The following CCDC30 variants were observed in gnomAD, a reference collection of about 807,000 sequenced individuals.
CCDC30 encodes coiled-coil domain-containing protein 30.
A neutral mutation model predicts 100.2 loss-of-function variants in CCDC30; 70 were observed. That is an observed-to-expected ratio of 0.70 (90% CI 0.58 to 0.85). The LOEUF (loss-of-function observed/expected upper bound fraction) is 0.85, where lower values mean the gene tolerates loss of function less well. Among genes scored for constraint, CCDC30 ranks in the 40% least tolerant of loss-of-function variants. The pLI, the probability that CCDC30 is intolerant of heterozygous loss-of-function variation, is 0.00. For missense variants in CCDC30, 652 were observed against 771.2 expected, an observed-to-expected ratio of 0.85 and a Z score of 1.83; for synonymous variants, 233 against 269.5, an observed-to-expected ratio of 0.86 and a Z score of 1.33.
intron 6 of CCDC30, among the ~76,000 whole-genome samples, chr1:42,565,970 T>G (rs1299788845): frequency 6.6e-6 from 1 of 152,152 alleles, no homozygotes; most frequent in Non-Finnish European, 1.5e-5. Context: ...ATGGACTCTT[T>G]GAACTTCCCA....
intron 6 of CCDC30, among the ~76,000 whole-genome samples, chr1:42,561,371 T>C (rs1214762482): frequency 1.3e-5 from 2 of 152,194 alleles, no homozygotes; most frequent in East Asian, 1.9e-4. Flanking sequence ...GTTATCTCAA[T>C]AGATGCAGAA....
chr1:42,558,533 T>A (rs1645420354), intron 6 of CCDC30, among the ~76,000 whole-genome samples: 2 of 152,178 alleles, frequency 1.3e-5, no homozygotes, highest in South Asian at 4.1e-4. Context: ...GTAATCATTA[T>A]TATCCATATC....
chr1:42,578,493 GTA>G (rs1557869483), intron 8 of CCDC30, among the ~76,000 whole-genome samples: 1 of 151,928 alleles, frequency 6.6e-6, no homozygotes. Flanking sequence ...TTCACCATAT[GTA>G]TATATGTAGG....
intron 1 of CCDC30, chr1:42,467,728 G>C (rs756796106): frequency 6.6e-6 from 1 of 152,194 alleles, no homozygotes; most frequent in Non-Finnish European, 1.5e-5. Flanking sequence ...GGCCATATTT[G>C]TACCTCTACT....
exon 15 of CCDC30, chr1:42,646,167 G>T (rs764768163): frequency 6.2e-7 from 1 of 1,602,552 alleles, no homozygotes; most frequent in African/African-American, 1.3e-5. Context: ...CAAAATGGTG[G>T]CATAGAGGCA....
chr1:42,541,152 A>G (rs973470582), intron 6 of CCDC30, among the ~76,000 whole-genome samples: 1 of 152,274 alleles, frequency 6.6e-6, no homozygotes, highest in Non-Finnish European at 1.5e-5. Context: ...AGATGTTGGC[A>G]TATCTGGCAT....
intron 10 of CCDC30, chr1:42,595,090 G>C (rs1180573792): frequency 6.6e-6 from 1 of 151,570 alleles, no homozygotes; most frequent in Non-Finnish European, 1.5e-5. Flanking sequence ...ATGATTATAT[G>C]AGCCATTGTT....
intron 10 of CCDC30, among the ~76,000 whole-genome samples, chr1:42,601,867 T>C (rs780616229): frequency 4.6e-5 from 7 of 152,206 alleles, no homozygotes; most frequent in Non-Finnish European, 1.0e-4. Context: ...AAGATGGCGA[T>C]GTGTGAGGTT....
intron 6 of CCDC30, among the ~76,000 whole-genome samples, chr1:42,546,924 A>G (rs16829643): frequency 0.13 from 19,334 of 152,254 alleles, 1,432 homozygotes; most frequent in East Asian, 0.17. Flanking sequence ...CAATTTTGAC[A>G]TATACCATAC....
chr1:42,511,298 C>T (rs1205108462), intron 6 of CCDC30, among the ~76,000 whole-genome samples: 1 of 152,244 alleles, frequency 6.6e-6, no homozygotes, highest in East Asian at 1.9e-4. Flanking sequence ...ACTTCCTAGA[C>T]TTATGTGATC....
At position 42,596,295 on chromosome 1, in the gene CCDC30, C is replaced by G. The variant is rs1038375071; in HGVS notation, c.1164+6812C>G. Among the ~76,000 whole-genome samples the G allele has an allele frequency of 6.6e-6, 1 of 152,122 alleles. No individual in the cohort carries two copies. Among genetic ancestry groups the G allele is most frequent in the Admixed American group, 6.5e-5 (1 of 15,268 alleles). On this transcript the variant is annotated intron_variant, in intron 10 of 16. Transcript: ENST00000668663. This position sits in a 1 kb window ranked among gnomAD's most constrained non-coding sequence, Gnocchi z 4.3. ...TAGACACATTTGTGAGTTTTACCTC[C>G]TGTAGCATACCAGGTTCTTGTGAAT...
At chr1:42,630,703 A>G (rs542202918) in intron 11 of CCDC30, among the ~76,000 whole-genome samples, 28 of 152,188 alleles carry the variant, frequency 1.8e-4, no homozygotes, top group East Asian at 1.2e-3. Context: ...CAAATAGTCT[A>G]TCTTCAAGTT....
At chr1:42,613,202 T>A (rs1012144391) in intron 11 of CCDC30, among the ~76,000 whole-genome samples, 5 of 152,188 alleles carry the variant, frequency 3.3e-5, no homozygotes, top group African/African-American at 1.2e-4. Flanking sequence ...TTTTTATGGT[T>A]ATTTCTTGAT....
chr1:42,633,811 G>A (rs752356610), intron 11 of CCDC30, among the ~76,000 whole-genome samples: 2 of 152,102 alleles, frequency 1.3e-5, no homozygotes, highest in Non-Finnish European at 2.9e-5. Context: ...TGCTAATGAA[G>A]ACATACCCAA....
At chr1:42,500,365 G>T in intron 6 of CCDC30, 1 of 1,531,216 alleles carries the variant, frequency 6.5e-7, no homozygotes. Flanking sequence ...GCGGAGTGAG[G>T]TGCGTGAGAA....
At chr1:42,491,140 C>T (rs1000957061) in intron 4 of CCDC30, among the ~76,000 whole-genome samples, 2 of 152,086 alleles carry the variant, frequency 1.3e-5, no homozygotes, top group Admixed American at 6.6e-5. Context: ...ATGAACACTG[C>T]TTTCTTAGTA....
intron 1 of CCDC30, among the ~76,000 whole-genome samples, chr1:42,474,520 G>T (rs1192741573): frequency 6.6e-6 from 1 of 152,152 alleles, no homozygotes; most frequent in Non-Finnish European, 1.5e-5. Flanking sequence ...TGATTCCTAT[G>T]TTCCTTCTAT....
At chr1:42,556,428 C>G (rs748191400) in intron 6 of CCDC30, 23 bp downstream of exon 10, 3 of 1,562,132 alleles carry the variant, frequency 1.9e-6, no homozygotes, top group Non-Finnish European at 2.6e-6. Context: ...AACACATGCC[C>G]TGACTGGGTT....
At position 42,475,314 on chromosome 1, in the gene CCDC30, T is replaced by A. The variant is rs894092515; in HGVS notation, c.-91-5147T>A. 1.7e-3 allele frequency among the ~76,000 whole-genome samples: 257 copies of A among 152,276 alleles called. 3 individuals carry two copies. Among genetic ancestry groups the A allele is most frequent in the East Asian group, 4.8e-3 (25 of 5,190 alleles). On this transcript the variant is annotated intron_variant, in intron 1 of 16. Coordinates refer to ENST00000668663, the Ensembl canonical transcript of CCDC30. ...TCACTTCCCGGACCTTTAATATGGATTAAAATATGAGCCATGGACTAAAAG... is the reference window on the plus strand; with the variant it reads ...TCACTTCCCGGACCTTTAATATGGAATAAAATATGAGCCATGGACTAAAAG...
Sources: allele counts gnomAD v4.1 joint callset (sites outside exome capture counted in the v4.1 genomes callset), GRCh38; gene constraint gnomAD v4.1.1; non-coding constraint Gnocchi (gnomAD v3.1); transcripts MANE v1.5; gene names NCBI Gene and HGNC (gene_info 2026-07-23, HGNC 2026-07-21).